The following CDH7 variants were observed in gnomAD, a reference collection of about 807,000 sequenced individuals.
CDH7 encodes the protein cadherin-7.
CDH7 carries 25 observed loss-of-function variants against 71.8 expected under a neutral mutation model. The observed-to-expected ratio is 0.35, with a 90% confidence interval of 0.25 to 0.49. The LOEUF (loss-of-function observed/expected upper bound fraction) is 0.49. Among genes scored for constraint, CDH7 ranks in the 20% least tolerant of loss-of-function variants. CDH7 has a pLI of 0.99. For synonymous variants in CDH7, 381 were observed against 363.8 expected, an observed-to-expected ratio of 1.05 and a Z score of -0.54; for missense variants, 862 against 974.6, an observed-to-expected ratio of 0.88 and a Z score of 1.54.
rs183960882 is a variant in CDH7, at chr18:65,861,498, A to G, written c.1613-1168A>G. ...GCGTGCTATTGTGAAATGTACAGGAACTTACTCAAAACAGTATCCTTCAAC... is the reference window on the plus strand; with the variant it reads ...GCGTGCTATTGTGAAATGTACAGGAGCTTACTCAAAACAGTATCCTTCAAC... On this transcript the variant is annotated intron_variant, in intron 10 of 11. Coordinates refer to ENST00000397968, the MANE Select transcript of CDH7 (RefSeq NM_004361.5). 5.3e-5 allele frequency among the ~76,000 whole-genome samples: 8 copies of G among 152,132 alleles called. No homozygotes were observed. In the East Asian group the frequency reaches 1.5e-3, roughly 29 times the overall value.
intron 4 of CDH7, among the ~76,000 whole-genome samples, chr18:65,821,423 T>G (rs2143935440): frequency 6.6e-6 from 1 of 152,244 alleles, no homozygotes; most frequent in Middle Eastern, 3.4e-3. Context: ...CACATAAGGA[T>G]TCATTGAAGG....
chr18:65,874,742 T>C (rs1022509976), intron 11 of CDH7, among the ~76,000 whole-genome samples: 5 of 151,674 alleles, frequency 3.3e-5, no homozygotes, highest in African/African-American at 1.2e-4. Flanking sequence ...TGTATATATA[T>C]TTATAATTTC....
chr18:65,794,853 A>G (rs1337213703), intron 2 of CDH7, among the ~76,000 whole-genome samples: 1 of 152,174 alleles, frequency 6.6e-6, no homozygotes, highest in African/African-American at 2.4e-5. Flanking sequence ...CCTCTTAATC[A>G]TAGTTTTCTC....
chr18:65,828,979 A>G (rs1231666859), intron 6 of CDH7, among the ~76,000 whole-genome samples: 3 of 152,190 alleles, frequency 2.0e-5, no homozygotes, highest in African/African-American at 7.2e-5. Flanking sequence ...TCTAATGTGC[A>G]AAATAGATCT....
chr18:65,797,253 T>G (rs1910950281), intron 2 of CDH7, among the ~76,000 whole-genome samples: 1 of 152,214 alleles, frequency 6.6e-6, no homozygotes, highest in Non-Finnish European at 1.5e-5. Context: ...TGTCGTATTC[T>G]CCCATCAGCC....
intron 2 of CDH7, among the ~76,000 whole-genome samples, chr18:65,798,811 G>T (rs1911009528): frequency 6.6e-6 from 1 of 152,148 alleles, no homozygotes; most frequent in Non-Finnish European, 1.5e-5. Context: ...AACTGAGGAT[G>T]ATTTTTGGAA....
At chr18:65,762,044 G>A (rs2143786133) in intron 1 of CDH7, among the ~76,000 whole-genome samples, 1 of 152,284 alleles carries the variant, frequency 6.6e-6, no homozygotes, top group African/African-American at 2.4e-5. Context: ...TTCAAAGAGT[G>A]GAAAATGGAA....
At chr18:65,855,380 T>G (rs1398697006) in intron 7 of CDH7, among the ~76,000 whole-genome samples, 1 of 148,000 alleles carries the variant, frequency 6.8e-6, no homozygotes, top group Non-Finnish European at 1.5e-5. Context: ...AAATGATAAA[T>G]ATTAAGAACA....
chr18:65,822,368 T>A, intron 5 of CDH7, 120 bp downstream of exon 5: 1 of 747,576 alleles, frequency 1.3e-6, no homozygotes, highest in Non-Finnish European at 2.1e-6. Flanking sequence ...TACTTCATTC[T>A]CTCAAATTTG....
chr18:65,813,801 G>C (rs1911627813), intron 3 of CDH7, among the ~76,000 whole-genome samples: 1 of 152,052 alleles, frequency 6.6e-6, no homozygotes, highest in Admixed American at 6.6e-5. Context: ...AATGAAGAAA[G>C]AATATAACAT....
intron 4 of CDH7, 113 bp downstream of exon 4, chr18:65,814,717 C>T (rs1319398488): frequency 2.4e-6 from 2 of 817,296 alleles, no homozygotes; most frequent in Non-Finnish European, 3.7e-6. Flanking sequence ...TTATGCTTCT[C>T]TCAATATGTC....
At position 65,880,464 on chromosome 18, in the gene CDH7, A is replaced by G; in HGVS notation, c.1928A>G (p.Glu643Gly). 6.3e-7 allele frequency: 1 copy of G among 1,586,916 alleles called. No homozygotes were observed. Among genetic ancestry groups the G allele is most frequent in the Non-Finnish European group, 8.5e-7 (1 of 1,171,984 alleles). Residue 643 changes from glutamate to glycine, a missense_variant, in exon 12 of 12, where the codon GAA becomes GGA. By Grantham distance (98) the Glu-to-Gly change is moderately conservative (BLOSUM62 -2). Transcript: ENST00000397968. ...RKKEPLIFDE[E>G]RDIRENIVRY... is the part of the protein sequence containing the mutation. ...AAAGAGCCCCTTATTTTTGACGAAG[A>G]AAGAGACATCAGAGAAAATATTGTG... is the stretch of plus-strand genomic sequence containing the variant.
intron 11 of CDH7, among the ~76,000 whole-genome samples, chr18:65,875,910 C>A (rs761508091): frequency 4.6e-5 from 7 of 152,076 alleles, no homozygotes; most frequent in Non-Finnish European, 8.8e-5. Flanking sequence ...GCCTGGGTGA[C>A]AAAGTGAGAC....
intron 1 of CDH7, among the ~76,000 whole-genome samples, chr18:65,761,724 C>G (rs2143785485): frequency 6.6e-6 from 1 of 152,196 alleles, no homozygotes; most frequent in Non-Finnish European, 1.5e-5. Context: ...TGTTTTGTAA[C>G]TGATTTTATA....
At chr18:65,804,706 G>GTGTGTGTGTGTA (rs1435460308) in intron 2 of CDH7, among the ~76,000 whole-genome samples, 1 of 151,346 alleles carries the variant, frequency 6.6e-6, no homozygotes, top group Non-Finnish European at 1.5e-5. Context: ...ACACGTGTGT[G>GTGTGTGTGTGTA]TGTGTGTGTG....
intron 6 of CDH7, among the ~76,000 whole-genome samples, chr18:65,835,714 A>C (rs1912509638): frequency 6.6e-6 from 1 of 152,216 alleles, no homozygotes. Context: ...GATGCTGGGC[A>C]GAAATGCAGT....
intron 3 of CDH7, among the ~76,000 whole-genome samples, chr18:65,811,115 A>G (rs1366693024): frequency 6.6e-6 from 1 of 151,780 alleles, no homozygotes; most frequent in East Asian, 1.9e-4. Context: ...TGTTTTTAAT[A>G]TTGAGAGTTT....
intron 2 of CDH7, among the ~76,000 whole-genome samples, chr18:65,797,311 C>A (rs897976580): frequency 6.6e-6 from 1 of 152,142 alleles, no homozygotes; most frequent in Non-Finnish European, 1.5e-5. Context: ...CCACCTCACT[C>A]TCTTTTTTCC....
chr18:65,867,282 G>A (rs1051917556), intron 11 of CDH7, among the ~76,000 whole-genome samples: 4 of 152,136 alleles, frequency 2.6e-5, no homozygotes, highest in South Asian at 2.1e-4. Flanking sequence ...TGATCCACCC[G>A]CCTTGGCCTC....
Sources: gnomAD v4.1 joint callset for allele counts (sites outside exome capture counted in the v4.1 genomes callset) on GRCh38, gnomAD v4.1.1 for gene constraint, MANE v1.5 for transcripts, NCBI Gene and HGNC (gene_info 2026-07-23, HGNC 2026-07-21) for gene names.